Variants in PARPBP observed in about 807,000 individuals in gnomAD.
PARPBP encodes PARP1 binding protein.
PARPBP carries 52 observed loss-of-function variants against 50.0 expected under a neutral mutation model. The ratio of observed to expected loss-of-function variants is 1.04; its 90% CI spans 0.83 to 1.31. The LOEUF is 1.31. Among genes scored for constraint, PARPBP ranks in the 50% most tolerant of loss-of-function variants. The pLI, the probability that PARPBP is intolerant of heterozygous loss-of-function variation, is 0.00. For synonymous variants in PARPBP, 244 were observed against 232.1 expected (o/e 1.05, Z -0.47); for missense variants, 697 against 672.0 (o/e 1.04, Z -0.41).
chr12:102,132,169 C>T (rs1470218618), intron 2 of PARPBP, among the ~76,000 whole-genome samples: 3 of 150,938 alleles, frequency 2.0e-5, no homozygotes, highest in Non-Finnish European at 2.9e-5. Context: ...CACGCCATTG[C>T]GTTCCAGTCT....
intron 2 of PARPBP, among the ~76,000 whole-genome samples, chr12:102,129,206 T>A (rs1358353875): frequency 1.3e-5 from 2 of 152,230 alleles, no homozygotes; most frequent in Admixed American, 6.5e-5. Context: ...CAGGCTGTAC[T>A]TGGACTCCTA....
rs1323290788 is a variant in PARPBP, at chr12:102,120,916, C to T, written c.-4+630C>T. Among the ~76,000 whole-genome samples, 3 of 152,228 alleles carry T rather than the reference C, an allele frequency of 2.0e-5. No homozygotes were observed. In the East Asian group the frequency reaches 5.8e-4, roughly 29 times the overall value. The stretch of plus-strand genomic sequence containing the variant: ...AAGTGTAGTTCTTTCAACCATTTCA[C>T]ACTGCCTGCCCAGTGACAATTTTCT... On this transcript the variant is annotated intron_variant, in intron 1 of 10. Transcript: ENST00000327680.
chr12:102,138,057 C>G (rs1447465290), intron 2 of PARPBP, among the ~76,000 whole-genome samples: 1 of 152,160 alleles, frequency 6.6e-6, no homozygotes, highest in Non-Finnish European at 1.5e-5. Flanking sequence ...ATTTCTAGTT[C>G]TAGATCCCTG....
intron 2 of PARPBP, among the ~76,000 whole-genome samples, chr12:102,136,995 C>T (rs1451493159): frequency 6.6e-6 from 1 of 152,016 alleles, no homozygotes; most frequent in African/African-American, 2.4e-5. Flanking sequence ...CACTCTGTCA[C>T]CCAGGCTGGA....
chr12:102,192,769 T>C lies in PARPBP; in HGVS notation c.1264-2543T>C, dbSNP rs562142953. 2.0e-5 allele frequency among the ~76,000 whole-genome samples: 3 copies of C among 152,196 alleles called. No individual in the cohort carries two copies. The South Asian group carries it at 6.2e-4, about 32-fold the overall frequency. On this transcript the variant is annotated intron_variant, in intron 9 of 10. Transcript: ENST00000327680. ...AGCAAATTTTATAAGTAGAATGTTT[T>C]TGAAGTTGTAGAAGCCATCCTAGTA...
intron 4 of PARPBP, among the ~76,000 whole-genome samples, chr12:102,163,185 C>T (rs904595313): frequency 3.9e-5 from 6 of 152,200 alleles, no homozygotes; most frequent in East Asian, 3.8e-4. Context: ...TATTTCTGCA[C>T]GCTATTCTGT....
intron 2 of PARPBP, among the ~76,000 whole-genome samples, chr12:102,128,087 G>A (rs1334687175): frequency 6.6e-6 from 1 of 152,098 alleles, no homozygotes; most frequent in Non-Finnish European, 1.5e-5. Context: ...TTATTAACTA[G>A]CAACACCATG....
At chr12:102,131,160 A>G (rs572218472) in intron 2 of PARPBP, among the ~76,000 whole-genome samples, 2 of 152,278 alleles carry the variant, frequency 1.3e-5, no homozygotes, top group East Asian at 3.9e-4. Context: ...CCCCATCTCT[A>G]CTAAAATTAC....
At chr12:102,132,765 A>G (rs1883060521) in intron 2 of PARPBP, among the ~76,000 whole-genome samples, 1 of 152,202 alleles carries the variant, frequency 6.6e-6, no homozygotes, top group Admixed American at 6.5e-5. Flanking sequence ...TTTTAACAAT[A>G]TTAATTCTTC....
At chr12:102,143,347 A>G (rs961915885) in intron 2 of PARPBP, among the ~76,000 whole-genome samples, 2 of 152,192 alleles carry the variant, frequency 1.3e-5, no homozygotes, top group African/African-American at 4.8e-5. Flanking sequence ...GCACAGTATT[A>G]GGGTGGGAGT....
chr12:102,166,659 C>T (rs1888170704), intron 6 of PARPBP, among the ~76,000 whole-genome samples: 1 of 152,116 alleles, frequency 6.6e-6, no homozygotes, highest in Non-Finnish European at 1.5e-5. Context: ...GATCAAGTAA[C>T]TTGCCCTAGG....
chr12:102,141,338 G>A (rs976450100), intron 2 of PARPBP, among the ~76,000 whole-genome samples: 5 of 151,788 alleles, frequency 3.3e-5, no homozygotes, highest in African/African-American at 1.2e-4. Flanking sequence ...CATTTGCTTG[G>A]TAGATCTTCC....
chr12:102,156,080 A>G (rs979225557), intron 4 of PARPBP, among the ~76,000 whole-genome samples: 2 of 151,210 alleles, frequency 1.3e-5, no homozygotes, highest in Middle Eastern at 3.2e-3. Flanking sequence ...GCTTGCTGCC[A>G]TCTTGAAAGT....
At chr12:102,178,002 A>C (rs1315032813) in intron 7 of PARPBP, among the ~76,000 whole-genome samples, 1 of 152,196 alleles carries the variant, frequency 6.6e-6, no homozygotes, top group South Asian at 2.1e-4. Context: ...CTTATTAGAA[A>C]TAGCACTTAG....
chr12:102,181,728 T>C (rs370102816), intron 8 of PARPBP, among the ~76,000 whole-genome samples: 20 of 152,140 alleles, frequency 1.3e-4, no homozygotes, highest in African/African-American at 4.8e-4. Flanking sequence ...TTTGTAAGTG[T>C]CTTCATCTCT....
At chr12:102,174,147 T>C (rs1237629682) in intron 6 of PARPBP, among the ~76,000 whole-genome samples, 3 of 151,904 alleles carry the variant, frequency 2.0e-5, no homozygotes, top group African/African-American at 7.3e-5. Context: ...GAGCTGATTT[T>C]TTCATGACTT....
intron 4 of PARPBP, among the ~76,000 whole-genome samples, chr12:102,161,764 AT>A (rs1887620773): frequency 6.6e-6 from 1 of 152,184 alleles, no homozygotes; most frequent in South Asian, 2.1e-4. Flanking sequence ...CCTTAAAAAA[AT>A]ATTAAAAAGA....
intron 8 of PARPBP, among the ~76,000 whole-genome samples, chr12:102,179,610 C>T (rs946215230): frequency 9.9e-5 from 15 of 152,106 alleles, no homozygotes; most frequent in Non-Finnish European, 1.6e-4. Flanking sequence ...TCTTGTAAGG[C>T]CACCAGTCCT....
At position 102,175,887 on chromosome 12, in the gene PARPBP, G is replaced by A. The variant is rs116619220; in HGVS notation, c.1005+221G>A. Among the ~76,000 whole-genome samples the A allele has an allele frequency of 5.6e-3, 858 of 152,158 alleles. 8 individuals are homozygous for A. Among genetic ancestry groups the A allele is most frequent in the African/African-American group, 0.019 (781 of 41,504 alleles). On this transcript the variant is annotated intron_variant, in intron 7 of 10. Transcript: ENST00000327680. ...GGGCCAAATTTCTGAATTTGTTAAA[G>A]TAAGGCATAGGGTAATCTCTGGTAT...
Sources: gnomAD v4.1 joint callset for allele counts (sites outside exome capture counted in the v4.1 genomes callset) on GRCh38, gnomAD v4.1.1 for gene constraint, MANE v1.5 for transcripts, NCBI Gene and HGNC (gene_info 2026-07-23, HGNC 2026-07-21) for gene names.